HTRA3: variants seen among roughly 807,000 people sequenced by gnomAD.
HTRA3 encodes serine protease HTRA3.
In HTRA3, 41 loss-of-function variants were observed where a neutral mutation model predicts 43.2. The ratio of observed to expected loss-of-function variants is 0.95; its 90% CI spans 0.74 to 1.23. The LOEUF is 1.23. HTRA3 is among the 50% of genes most tolerant of loss of function. The pLI is 0.00. For missense variants in HTRA3, 628 were observed against 647.1 expected (o/e 0.97, Z 0.32); for synonymous variants, 295 against 287.9 (o/e 1.02, Z -0.25).
rs184906740 is a variant in HTRA3, at chr4:8,269,762, G to A, written c.-207G>A. ...CCCGCCGCCCGCGGACCGTCAGGCT[G>A]GAGGGAGCTGGTCCCTGCGCTCCCT... On this transcript the variant is annotated 5_prime_UTR_variant, in exon 1 of 9. Coordinates refer to ENST00000307358, the MANE Select transcript of HTRA3 (RefSeq NM_053044.5). 1,528 of 157,064 alleles carry A rather than the reference G, an allele frequency of 9.7e-3. 28 individuals are homozygous for A. Among genetic ancestry groups the A allele is most frequent in the African/African-American group, 0.035 (1,445 of 41,590 alleles). The allele number at this position is 157,064 out of a possible 1,614,324, so 9.7% of individuals were successfully genotyped here.
intron 7 of HTRA3, among the ~76,000 whole-genome samples, chr4:8,303,689 C>T (rs1280973992): frequency 6.6e-6 from 1 of 152,216 alleles, no homozygotes; most frequent in Non-Finnish European, 1.5e-5. Context: ...TTTTATCTGT[C>T]TGTCCATCCC....
chr4:8,277,731 C>T (rs1712585014), intron 1 of HTRA3, among the ~76,000 whole-genome samples: 1 of 152,198 alleles, frequency 6.6e-6, no homozygotes, highest in Non-Finnish European at 1.5e-5. Flanking sequence ...ACACCCCAGG[C>T]CTTGAATGCC....
intron 1 of HTRA3, among the ~76,000 whole-genome samples, chr4:8,280,413 C>G (rs1712695666): frequency 6.6e-6 from 1 of 152,206 alleles, no homozygotes; most frequent in South Asian, 2.1e-4. Flanking sequence ...CTCCAAACCT[C>G]ACCAGGGAAG....
intron 5 of HTRA3, 121 bp from the exon 6 acceptor site, chr4:8,293,966 G>T: frequency 1.5e-6 from 1 of 647,656 alleles, no homozygotes; most frequent in Non-Finnish European, 2.8e-6. Flanking sequence ...GGAGTTGGGG[G>T]CTGTAGGGGG....
In HTRA3 at chr4:8,270,211, C is replaced by T. The variant is rs1321374791; in HGVS notation, c.243C>T (p.Cys81=). 4 of 1,537,938 alleles carry T rather than the reference C, an allele frequency of 2.6e-6. No homozygotes were observed. Among genetic ancestry groups the T allele is most frequent in the Non-Finnish European group, 3.5e-6 (4 of 1,153,756 alleles). Residue 81 remains cysteine, a synonymous_variant, in exon 1 of 9, where the codon TGC becomes TGT. Coordinates refer to ENST00000307358, the MANE Select transcript of HTRA3 (RefSeq NM_053044.5). ...GESLECVRGL[C]RCRWSHAVCG... is the part of the protein sequence containing the mutation. Reference sequence around the variant, plus strand: ...GCCTGGAGTGCGTGCGCGGCCTATGCCGCTGCCGCTGGTCGCACGCCGTGT... The same window carrying T: ...GCCTGGAGTGCGTGCGCGGCCTATGTCGCTGCCGCTGGTCGCACGCCGTGT...
chr4:8,270,330 T>C lies in HTRA3; in HGVS notation c.362T>C (p.Leu121Pro). 7.0e-7 allele frequency: 1 copy of C among 1,436,950 alleles called. No homozygotes were observed. Among genetic ancestry groups the C allele is most frequent in the Non-Finnish European group, 9.1e-7 (1 of 1,102,706 alleles). The allele number at this position is 1,436,950 out of a possible 1,614,324, so 89.0% of individuals were successfully genotyped here. The change falls in exon 1 of 9, where the codon CTG (leucine) becomes CCG (proline). Residue 121 changes from leucine (L) to proline (P), a missense_variant. Leu to Pro is a moderately conservative substitution (Grantham distance 98, BLOSUM62 -3). Transcript: ENST00000307358. ...CTCTCCGGGACGCCCGTGCGCCAGC[T>C]GCAGAAGGGCGCCTGCCCGTTGGGT... ...LQLSGTPVRQ[L>P]QKGACPLGLH...
Position 8,302,397 on chromosome 4 carries a change from C to G in HTRA3, c.1052-66C>G, listed in dbSNP as rs920640904. On this transcript the variant is annotated intron_variant, in intron 6 of 8. Transcript: ENST00000307358. Reference sequence around the variant, plus strand: ...AGGGGAACTTCTGTCCTCTGCCTGTCCCCTGAGGGAGCGTGGTGGCTTTTC... The same window carrying G: ...AGGGGAACTTCTGTCCTCTGCCTGTGCCCTGAGGGAGCGTGGTGGCTTTTC... 1.0e-5 allele frequency: 15 copies of G among 1,443,844 alleles called. No individual in the cohort carries two copies. The South Asian group carries it at 1.6e-4, about 15-fold the overall frequency. 89.4% of individuals were successfully genotyped at this position (1,443,844 alleles called of 1,614,324 possible).
At chr4:8,294,425 C>T (rs538437441) in intron 6 of HTRA3, among the ~76,000 whole-genome samples, 19 of 151,958 alleles carry the variant, frequency 1.3e-4, no homozygotes, top group African/African-American at 1.9e-4. Context: ...GATTCGTGAT[C>T]GGCTTCATCC....
chr4:8,299,898 G>A (rs1267029553), intron 6 of HTRA3, among the ~76,000 whole-genome samples: 3 of 149,178 alleles, frequency 2.0e-5, no homozygotes, highest in East Asian at 2.0e-4. Context: ...GGAGTACGGT[G>A]GTGTGATCTT....
At chr4:8,281,540 C>T (rs1560135650) in intron 1 of HTRA3, among the ~76,000 whole-genome samples, 2 of 152,358 alleles carry the variant, frequency 1.3e-5, no homozygotes, top group Non-Finnish European at 2.9e-5. Context: ...TAGAAAGCAG[C>T]CAGGCCCAGC....
chr4:8,288,989 G>A (rs1169915028), intron 3 of HTRA3, among the ~76,000 whole-genome samples: 4 of 129,568 alleles, frequency 3.1e-5, no homozygotes, highest in Non-Finnish European at 6.3e-5. Flanking sequence ...TCGCTCTGTT[G>A]CCCAGGCTGG....
chr4:8,271,271 G>A (rs1712261820), intron 1 of HTRA3, among the ~76,000 whole-genome samples: 1 of 152,162 alleles, frequency 6.6e-6, no homozygotes, highest in East Asian at 1.9e-4. Flanking sequence ...TGTTTTCATG[G>A]TGTAAAAAGG....
At position 8,274,698 on chromosome 4, in the gene HTRA3, T is replaced by A. The variant is rs546634185; in HGVS notation, c.385+4345T>A. ...ACGGGATGGTAAAAGCAGGGATAAATGCGTTTCTGAGGGCCTGTGTGGAGA... is the reference window on the plus strand; with the variant it reads ...ACGGGATGGTAAAAGCAGGGATAAAAGCGTTTCTGAGGGCCTGTGTGGAGA... On this transcript the variant is annotated intron_variant, in intron 1 of 8. Transcript: ENST00000307358. 7.2e-5 allele frequency among the ~76,000 whole-genome samples: 11 copies of A among 152,288 alleles called. No individual in the cohort carries two copies. The South Asian group carries it at 2.3e-3, about 32-fold the overall frequency.
intron 5 of HTRA3, among the ~76,000 whole-genome samples, chr4:8,293,020 C>T (rs573181888): frequency 6.6e-6 from 1 of 152,114 alleles, no homozygotes; most frequent in East Asian, 1.9e-4. Context: ...GGACTGGGTA[C>T]AGGAAGAAGA....
At chr4:8,301,182 C>G (rs148230505) in intron 6 of HTRA3, among the ~76,000 whole-genome samples, 2 of 151,562 alleles carry the variant, frequency 1.3e-5, no homozygotes, top group Non-Finnish European at 2.9e-5. Flanking sequence ...TATTCACACT[C>G]ATCTTTATTG....
intron 2 of HTRA3, among the ~76,000 whole-genome samples, chr4:8,283,657 C>T (rs1156635975): frequency 2.0e-5 from 3 of 152,226 alleles, no homozygotes; most frequent in African/African-American, 7.2e-5. Context: ...GCCCCGGAAC[C>T]AAGCCTCATT....
intron 2 of HTRA3, among the ~76,000 whole-genome samples, chr4:8,282,878 G>A (rs567415544): frequency 3.3e-5 from 5 of 152,224 alleles, no homozygotes; most frequent in Admixed American, 1.3e-4. Context: ...AGAACCCAGC[G>A]GAGGAGATGC....
At chr4:8,294,066 T>A (rs750449506) in intron 5 of HTRA3, 21 bp from the exon 6 acceptor site, 2 of 1,568,448 alleles carry the variant, frequency 1.3e-6, no homozygotes, top group Non-Finnish European at 1.7e-6. Flanking sequence ...AACTGATGCC[T>A]GCTCTTACCT....
chr4:8,270,293 C>A lies in HTRA3; in HGVS notation c.325C>A (p.Arg109Ser). The change falls in exon 1 of 9, where the codon CGC becomes AGC. Residue 109 changes from arginine (R) to serine (S), a missense_variant. By Grantham distance (110) the Arg-to-Ser change is moderately radical. Transcript: ENST00000307358. ...NVCALQAASR[R>S]ALQLSGTPVR... ...GTGCGCGCTGCAGGCGGCCAGCCGCCGCGCGCTGCAGCTCTCCGGGACGCC... is the reference window on the plus strand; with the variant it reads ...GTGCGCGCTGCAGGCGGCCAGCCGCAGCGCGCTGCAGCTCTCCGGGACGCC... 2 of 1,480,750 alleles carry A rather than the reference C, an allele frequency of 1.4e-6. No individual in the cohort carries two copies. Among genetic ancestry groups the A allele is most frequent in the Non-Finnish European group, 1.8e-6 (2 of 1,121,956 alleles). 91.7% of individuals were successfully genotyped at this position (1,480,750 alleles called of 1,614,324 possible).
Sources: gnomAD v4.1 joint callset for allele counts (sites outside exome capture counted in the v4.1 genomes callset) on GRCh38, gnomAD v4.1.1 for gene constraint, MANE v1.5 for transcripts, NCBI Gene and HGNC (gene_info 2026-07-23, HGNC 2026-07-21) for gene names.